LIPC: variants seen among roughly 807,000 people sequenced by gnomAD.
LIPC encodes the protein hepatic triacylglycerol lipase.
LIPC carries 44 observed loss-of-function variants against 50.7 expected under a neutral mutation model. That is an observed-to-expected ratio of 0.87 (90% CI 0.68 to 1.11). The LOEUF (loss-of-function observed/expected upper bound fraction) is 1.11, where lower values mean the gene tolerates loss of function less well. LIPC is among the 50% of genes most tolerant of loss of function. The pLI is 0.00. For synonymous variants in LIPC, 271 were observed against 256.4 expected, an observed-to-expected ratio of 1.06 and a Z score of -0.54; for missense variants, 697 against 648.2, an observed-to-expected ratio of 1.08 and a Z score of -0.82.
chr15:58,437,535 C>T (rs1196340347), intron 1 of LIPC, among the ~76,000 whole-genome samples: 1 of 151,872 alleles, frequency 6.6e-6, no homozygotes. Flanking sequence ...CTTAAATGTA[C>T]AAGAAAAATA....
chr15:58,483,029 C>A (rs572335574), intron 1 of LIPC, among the ~76,000 whole-genome samples: 353 of 152,302 alleles, frequency 2.3e-3, no homozygotes, highest in African/African-American at 7.9e-3. Context: ...CTGGCTGAGT[C>A]TCTAGACAGA....
intron 1 of LIPC, among the ~76,000 whole-genome samples, chr15:58,460,025 G>C (rs1894282199): frequency 6.6e-6 from 1 of 152,212 alleles, no homozygotes; most frequent in Non-Finnish European, 1.5e-5. Context: ...GAGGCCCAAA[G>C]GGAAGGCTGT....
chr15:58,535,446 C>T (rs1194092896), intron 1 of LIPC, among the ~76,000 whole-genome samples: 1 of 152,186 alleles, frequency 6.6e-6, no homozygotes, highest in Non-Finnish European at 1.5e-5. Context: ...AAGAGAGGGC[C>T]CTGTTCAGTC....
chr15:58,566,093 G>A, intron 8 of LIPC: 1 of 975,490 alleles, frequency 1.0e-6, no homozygotes, highest in Non-Finnish European at 1.2e-6. Context: ...GCTTTAGTGA[G>A]TCTGGGGTGA....
intron 1 of LIPC, among the ~76,000 whole-genome samples, chr15:58,512,547 G>A (rs898726782): frequency 1.3e-5 from 2 of 152,190 alleles, no homozygotes; most frequent in African/African-American, 4.8e-5. Context: ...GGCCTGGGCC[G>A]GCTGGGTCTG....
chr15:58,469,933 ATT>A (rs11369488), intron 1 of LIPC, among the ~76,000 whole-genome samples: 2 of 138,348 alleles, frequency 1.4e-5, no homozygotes, highest in Admixed American at 7.3e-5. Flanking sequence ...TCTTCATGGA[ATT>A]TTTTTTTTTT....
rs146778923 is a variant in LIPC at position 58,510,968 on chromosome 15, G to A, written c.89-27365G>A. Among the ~76,000 whole-genome samples, 195 of 152,272 alleles carry A rather than the reference G, an allele frequency of 1.3e-3. No homozygotes were observed. The Middle Eastern group carries it at 0.024, about 19-fold the overall frequency. ...ATACAAAGTGCTGTCACGTGATGACGTCTCATTTCAGCATCTCAACAACCG... is the reference window on the plus strand; with the variant it reads ...ATACAAAGTGCTGTCACGTGATGACATCTCATTTCAGCATCTCAACAACCG... On this transcript the variant is annotated intron_variant, in intron 1 of 8. Transcript: ENST00000299022.
chr15:58,463,561 GCTCCT>G (rs1451893248), intron 1 of LIPC, among the ~76,000 whole-genome samples: 6 of 152,162 alleles, frequency 3.9e-5, no homozygotes, highest in Admixed American at 6.5e-5. Flanking sequence ...TCCTACCTGA[GCTCCT>G]GCAGCCAGAC....
intron 8 of LIPC, among the ~76,000 whole-genome samples, chr15:58,564,440 G>C (rs545937502): frequency 6.6e-6 from 1 of 151,874 alleles, no homozygotes; most frequent in Non-Finnish European, 1.5e-5. Context: ...AGAAAAGGAA[G>C]GACAGGGCTG....
chr15:58,556,739 A>G (rs867569005), intron 6 of LIPC, among the ~76,000 whole-genome samples: 1 of 152,228 alleles, frequency 6.6e-6, no homozygotes, highest in Non-Finnish European at 1.5e-5. Flanking sequence ...GGGACAATGA[A>G]CTGAGAATCA....
intron 1 of LIPC, among the ~76,000 whole-genome samples, chr15:58,505,483 G>A (rs1372402997): frequency 6.6e-6 from 1 of 152,190 alleles, no homozygotes; most frequent in East Asian, 1.9e-4. Flanking sequence ...TATTGGTGGT[G>A]GTGGTGAATG....
rs1009642455 is a variant in LIPC, at chr15:58,510,724, G to T, written c.89-27609G>T. Among the ~76,000 whole-genome samples, 18 of 152,274 alleles carry T rather than the reference G, an allele frequency of 1.2e-4. No individual in the cohort carries two copies. In the Middle Eastern group the frequency reaches 0.01, roughly 86 times the overall value. On this transcript the variant is annotated intron_variant, in intron 1 of 8. Coordinates refer to ENST00000299022, the MANE Select transcript of LIPC (RefSeq NM_000236.3). ...GACATCAGGTTTTAACTTGTAACTT[G>T]CTTTTTTCCTTGTTAGTGGTATGTT...
At chr15:58,457,979 C>T (rs1229608295) in intron 1 of LIPC, among the ~76,000 whole-genome samples, 2 of 152,116 alleles carry the variant, frequency 1.3e-5, no homozygotes, top group African/African-American at 4.8e-5. Context: ...ATAGGACATA[C>T]CAGTTTATAC....
intron 1 of LIPC, among the ~76,000 whole-genome samples, chr15:58,452,626 C>A (rs1342497016): frequency 8.5e-5 from 13 of 152,184 alleles, no homozygotes; most frequent in African/African-American, 3.1e-4. Flanking sequence ...TCCCTTCTCT[C>A]ATGAGCTAGA....
At chr15:58,520,050 G>A (rs1892606422) in intron 1 of LIPC, among the ~76,000 whole-genome samples, 1 of 151,558 alleles carries the variant, frequency 6.6e-6, no homozygotes, top group South Asian at 2.1e-4. Context: ...TCTACATCCA[G>A]CATCTAGTGA....
In LIPC at chr15:58,568,852, G is replaced by T; in HGVS notation, c.*25G>T. 1 of 1,352,944 alleles carries T rather than the reference G, an allele frequency of 7.4e-7. No individual in the cohort carries two copies. 83.8% of individuals were successfully genotyped at this position (1,352,944 alleles called of 1,614,324 possible). A position where few individuals can be genotyped will look rare whatever the true frequency, so the allele number is the denominator to read the frequency against. On this transcript the variant is annotated 3_prime_UTR_variant, in exon 9 of 9. Transcript: ENST00000299022. ...AGATTTAATGAAGACCCAGTGTAAA[G>T]AATAAATGAATCTTACTCCTTATCT...
At chr15:58,564,152 ATCTCTCTC>A (rs60807082) in intron 8 of LIPC, 3 of 159,920 alleles carry the variant, frequency 1.9e-5, no homozygotes, top group South Asian at 1.7e-4. Flanking sequence ...ATCTCGATGT[ATCTCTCTC>A]TCTCTCTCTC....
At chr15:58,487,210 G>A (rs1330917981) in intron 1 of LIPC, among the ~76,000 whole-genome samples, 1 of 152,180 alleles carries the variant, frequency 6.6e-6, no homozygotes, top group Admixed American at 6.5e-5. Flanking sequence ...CCCAGATGGT[G>A]AGTCCCAGCT....
intron 1 of LIPC, among the ~76,000 whole-genome samples, chr15:58,465,242 G>A (rs1894508485): frequency 6.6e-6 from 1 of 152,072 alleles, no homozygotes; most frequent in African/African-American, 2.4e-5. Context: ...TCCCCCACTT[G>A]ACTGCTCCCC....
Sources: gnomAD v4.1 joint callset for allele counts (sites outside exome capture counted in the v4.1 genomes callset) on GRCh38, gnomAD v4.1.1 for gene constraint, MANE v1.5 for transcripts, NCBI Gene and HGNC (gene_info 2026-07-23, HGNC 2026-07-21) for gene names.